TAFA2: variants seen among roughly 807,000 people sequenced by gnomAD.
The protein encoded by TAFA2 is TAFA chemokine like family member 2, also known as chemokine-like protein TAFA-2.
A neutral mutation model predicts 18.8 loss-of-function variants in TAFA2; 7 were observed. The observed-to-expected ratio is 0.37, with a 90% CI of 0.21 to 0.70. The LOEUF (loss-of-function observed/expected upper bound fraction) is 0.70, where lower values mean the gene tolerates loss of function less well. TAFA2 is among the 30% of genes least tolerant of loss of function. The pLI, the probability that TAFA2 is intolerant of heterozygous loss-of-function variation, is 0.53. For missense variants in TAFA2, 122 were observed against 158.1 expected (o/e 0.77, Z 1.23); for synonymous variants, 60 against 54.2 (o/e 1.11, Z -0.47).
At chr12:61,989,847 C>T (rs1461068696) in intron 1 of TAFA2, among the ~76,000 whole-genome samples, 1 of 152,186 alleles carries the variant, frequency 6.6e-6, no homozygotes, top group East Asian at 1.9e-4. Flanking sequence ...GTCAGAACAA[C>T]TAACACACCT....
At chr12:62,179,496 T>C (rs970272221) in intron 1 of TAFA2, among the ~76,000 whole-genome samples, 38 of 152,296 alleles carry the variant, frequency 2.5e-4, no homozygotes, top group African/African-American at 9.1e-4. Flanking sequence ...TGTGGCAGTG[T>C]CAGAACTGGA....
At chr12:61,970,168 C>T (rs371431206) in intron 1 of TAFA2, among the ~76,000 whole-genome samples, 1 of 150,194 alleles carries the variant, frequency 6.7e-6, no homozygotes, top group East Asian at 1.9e-4. Flanking sequence ...TTATTCCTGA[C>T]ACTAAGAGCA....
chr12:61,756,374 T>C lies in TAFA2; in HGVS notation c.107-1350A>G, dbSNP rs115562481. ...AAAGCAAAAAAATAAGAGGCAGACT[T>C]CTGTCCCTATCTTCTCGTGCTCTGG... On this transcript the variant is annotated intron_variant, in intron 2 of 4. Transcript: ENST00000416284. 6.0e-3 allele frequency among the ~76,000 whole-genome samples: 910 copies of C among 152,240 alleles called. 3 individuals are homozygous for C. The highest frequency in any genetic ancestry group is 0.021 in the African/African-American group (865 of 41,566).
intron 2 of TAFA2, among the ~76,000 whole-genome samples, chr12:61,756,645 A>C (rs1021799900): frequency 2.6e-5 from 4 of 152,100 alleles, no homozygotes; most frequent in African/African-American, 9.7e-5. Context: ...ATAAGCACCC[A>C]CGGTAATAAT....
In TAFA2 at chr12:62,090,219, T is replaced by C. The variant is rs552854433; in HGVS notation, c.-2+101040A>G. Among the ~76,000 whole-genome samples, 7 of 152,188 alleles carry C rather than the reference T, an allele frequency of 4.6e-5. No homozygotes were observed. In the South Asian group the frequency reaches 8.3e-4, roughly 18 times the overall value. ...CCTCTAGTCCAGCAGAGTTAAACTCTTGGGGACTTTCTTCAAGAATTTCAA... is the reference window on the plus strand; with the variant it reads ...CCTCTAGTCCAGCAGAGTTAAACTCCTGGGGACTTTCTTCAAGAATTTCAA... On this transcript the variant is annotated intron_variant, in intron 1 of 4. Transcript: ENST00000416284.
chr12:62,088,032 T>G (rs1565740406), intron 1 of TAFA2, among the ~76,000 whole-genome samples: 1 of 152,080 alleles, frequency 6.6e-6, no homozygotes, highest in Non-Finnish European at 1.5e-5. Flanking sequence ...TCTTTTATTC[T>G]CAACAGTATC....
intron 2 of TAFA2, among the ~76,000 whole-genome samples, chr12:61,779,605 G>A (rs1870417742): frequency 6.6e-6 from 1 of 151,796 alleles, no homozygotes; most frequent in African/African-American, 2.4e-5. Flanking sequence ...TTTTGAACAT[G>A]TGCTGCTATA....
rs144574036 is a variant in TAFA2, at chr12:61,827,547, C to T, written c.106+39773G>A. On this transcript the variant is annotated intron_variant, in intron 2 of 4. Coordinates refer to ENST00000416284, the MANE Select transcript of TAFA2 (RefSeq NM_178539.5). ...GGGTTTTTTGTAACATTTAGTCTGG[C>T]GTTCCCTGATGTGTATTTAACTGAA... 1.4e-4 allele frequency among the ~76,000 whole-genome samples: 22 copies of T among 151,954 alleles called. No individual in the cohort carries two copies. The East Asian group carries it at 2.7e-3, about 19-fold the overall frequency.
chr12:61,970,833 T>C (rs1879222125), intron 1 of TAFA2, among the ~76,000 whole-genome samples: 1 of 150,614 alleles, frequency 6.6e-6, no homozygotes, highest in South Asian at 2.1e-4. Context: ...TCGAAAAGCA[T>C]TTTAAGAAAT....
chr12:62,097,758 T>C (rs142255105), intron 1 of TAFA2, among the ~76,000 whole-genome samples: 30 of 152,292 alleles, frequency 2.0e-4, no homozygotes, highest in African/African-American at 6.0e-4. Context: ...TGACCCACTC[T>C]GATTTTTCAT....
At chr12:61,891,008 C>T (rs17125488) in intron 1 of TAFA2, among the ~76,000 whole-genome samples, 4,410 of 152,172 alleles carry the variant, frequency 0.029, 214 homozygotes, top group African/African-American at 0.1. Context: ...ATCACCAATT[C>T]GAATGTCAGG....
intron 1 of TAFA2, among the ~76,000 whole-genome samples, chr12:61,943,777 A>C (rs2121429645): frequency 7.2e-6 from 1 of 139,262 alleles, no homozygotes; most frequent in South Asian, 2.5e-4. Flanking sequence ...ATATGCACCC[A>C]ATACAGGAGC....
intron 2 of TAFA2, among the ~76,000 whole-genome samples, chr12:61,807,795 C>T (rs944877707): frequency 6.6e-5 from 10 of 151,406 alleles, no homozygotes; most frequent in Admixed American, 3.9e-4. Flanking sequence ...CACTGGATTT[C>T]GGACTTGCAT....
intron 1 of TAFA2, among the ~76,000 whole-genome samples, chr12:62,111,988 T>C (rs12426217): frequency 0.22 from 34,120 of 152,096 alleles, 4,196 homozygotes; most frequent in East Asian, 0.37. Flanking sequence ...CTCATTTACA[T>C]TTAAGGTTAA....
chr12:61,949,588 T>G (rs1412303755), intron 1 of TAFA2, among the ~76,000 whole-genome samples: 4 of 152,138 alleles, frequency 2.6e-5, no homozygotes, highest in Non-Finnish European at 4.4e-5. Context: ...CAAGCCTCCT[T>G]ACAAGTCACA....
rs566175332 is a variant in TAFA2, at chr12:62,180,863, T to C, written c.-2+10396A>G. Among the ~76,000 whole-genome samples the C allele has an allele frequency of 2.6e-5, 4 of 152,292 alleles. No individual in the cohort carries two copies. The South Asian group carries it at 6.2e-4, about 24-fold the overall frequency. On this transcript the variant is annotated intron_variant, in intron 1 of 4. Coordinates refer to ENST00000416284, the MANE Select transcript of TAFA2 (RefSeq NM_178539.5). Reference sequence around the variant, plus strand: ...AAAATGGTAATTATGTAGATAAGAATAAATGGCTTTAAATTCCCTAATGAA... The same window carrying C: ...AAAATGGTAATTATGTAGATAAGAACAAATGGCTTTAAATTCCCTAATGAA...
At position 62,237,969 on chromosome 12, in the gene TAFA2, CAG is replaced by C. The variant is rs545721853; in HGVS notation, c.-130+20792_-130+20793del. On this transcript the variant is annotated intron_variant, in intron 1 of 5. Transcript: ENST00000551619. ...TTACGTCTCTGGCTGAGATAAAGAG[CAG>C]AGTTTCATGAGCTGGGGTCTCCAGT... 2.3e-3 allele frequency among the ~76,000 whole-genome samples: 357 copies of C among 152,312 alleles called. 4 individuals carry two copies. Among genetic ancestry groups the C allele is most frequent in the African/African-American group, 8.0e-3 (333 of 41,570 alleles).
At chr12:61,989,221 G>A (rs1879916037) in intron 1 of TAFA2, among the ~76,000 whole-genome samples, 1 of 152,110 alleles carries the variant, frequency 6.6e-6, no homozygotes, top group South Asian at 2.1e-4. Context: ...TTCTAAAATA[G>A]AGTTGCATGT....
At chr12:61,944,327 C>T (rs1168655566) in intron 1 of TAFA2, among the ~76,000 whole-genome samples, 1 of 150,820 alleles carries the variant, frequency 6.6e-6, no homozygotes, top group African/African-American at 2.5e-5. Flanking sequence ...AAATTTATAG[C>T]ACTAAATGCT....
Sources: gnomAD v4.1 joint callset for allele counts (sites outside exome capture counted in the v4.1 genomes callset) on GRCh38, gnomAD v4.1.1 for gene constraint, MANE v1.5 for transcripts, NCBI Gene and HGNC (gene_info 2026-07-23, HGNC 2026-07-21) for gene names.